Variants in UBE2K observed in about 807,000 individuals in gnomAD.
The protein encoded by UBE2K is ubiquitin conjugating enzyme E2 K.
In UBE2K, 6 loss-of-function variants were observed where a neutral mutation model predicts 30.0. The ratio of observed to expected loss-of-function variants is 0.20; its 90% confidence interval spans 0.11 to 0.39. The LOEUF (loss-of-function observed/expected upper bound fraction) is 0.39. Among genes scored for constraint, UBE2K ranks in the 10% least tolerant of loss-of-function variants. The pLI is 1.00. For synonymous variants in UBE2K, 86 were observed against 83.7 expected (o/e 1.03, Z -0.15); for missense variants, 61 against 241.6 (o/e 0.25, Z 4.96).
At chr4:39,738,892 C>T (rs754022558) in intron 2 of UBE2K, among the ~76,000 whole-genome samples, 14 of 152,232 alleles carry the variant, frequency 9.2e-5, no homozygotes, top group East Asian at 3.9e-4. Flanking sequence ...CCAGGCTGGT[C>T]TTGAACTTCT....
At chr4:39,700,119 G>A (rs915810156) in intron 1 of UBE2K, among the ~76,000 whole-genome samples, 15 of 151,974 alleles carry the variant, frequency 9.9e-5, no homozygotes, top group Non-Finnish European at 1.8e-4. Context: ...TGTTACTTAC[G>A]GTAACAGAAA....
Position 39,705,087 on chromosome 4 carries a change from C to T in UBE2K, c.63+6697C>T, listed in dbSNP as rs755734517. Among the ~76,000 whole-genome samples the T allele has an allele frequency of 1.5e-4, 22 of 150,318 alleles. 1 individual carries two copies. The highest frequency in any genetic ancestry group is 2.9e-4 in the African/African-American group (12 of 40,924). On this transcript the variant is annotated intron_variant, in intron 1 of 6. Coordinates refer to ENST00000261427, the MANE Select transcript of UBE2K (RefSeq NM_005339.5). ...TTTGTTTTTGTATTTTTAGTAGAGA[C>T]GGGTTTTTACCGTATTGGCCAGGCT...
At chr4:39,701,035 G>A (rs1288918191) in intron 1 of UBE2K, among the ~76,000 whole-genome samples, 4 of 152,120 alleles carry the variant, frequency 2.6e-5, no homozygotes, top group Non-Finnish European at 5.9e-5. Context: ...GGTGTCTGGG[G>A]TATAGATATT....
chr4:39,730,776 T>A (rs950257190), intron 1 of UBE2K, among the ~76,000 whole-genome samples: 11 of 143,090 alleles, frequency 7.7e-5, no homozygotes, highest in South Asian at 4.8e-4. Flanking sequence ...TCTCAAAAAA[T>A]AATAATAATA....
chr4:39,711,991 A>C (rs938877557), intron 1 of UBE2K, among the ~76,000 whole-genome samples: 2 of 151,316 alleles, frequency 1.3e-5, no homozygotes, highest in Non-Finnish European at 3.0e-5. Context: ...CATTAAGCCG[A>C]GATTGCGCCA....
At chr4:39,771,288 G>C in intron 4 of UBE2K, 1 of 1,611,998 alleles carries the variant, frequency 6.2e-7, no homozygotes, top group East Asian at 2.2e-5. Context: ...AGGCGGCTAA[G>C]ATGACCTTGT....
intron 2 of UBE2K, among the ~76,000 whole-genome samples, chr4:39,740,211 ATAG>A (rs1720618044): frequency 6.6e-6 from 1 of 151,948 alleles, no homozygotes; most frequent in African/African-American, 2.4e-5. Context: ...TTTTTGGAAG[ATAG>A]TAGGGCAGTG....
At chr4:39,753,236 A>C (rs1234099060) in intron 3 of UBE2K, among the ~76,000 whole-genome samples, 1 of 152,114 alleles carries the variant, frequency 6.6e-6, no homozygotes, top group East Asian at 1.9e-4. Flanking sequence ...TTAGAAATAA[A>C]AGAATTGGCT....
intron 2 of UBE2K, among the ~76,000 whole-genome samples, chr4:39,745,366 T>C (rs1487946121): frequency 6.7e-6 from 1 of 149,928 alleles, no homozygotes; most frequent in Non-Finnish European, 1.5e-5. Context: ...CCTTGCCTTC[T>C]TTTTTTTTTC....
At position 39,702,045 on chromosome 4, in the gene UBE2K, G is replaced by A. The variant is rs185418964; in HGVS notation, c.63+3655G>A. Among the ~76,000 whole-genome samples the A allele has an allele frequency of 2.0e-5, 3 of 152,020 alleles. No homozygotes were observed. In the East Asian group the frequency reaches 5.8e-4, roughly 29 times the overall value. On this transcript the variant is annotated intron_variant, in intron 1 of 6. Transcript: ENST00000261427. ...CAAAGTGCTGGGGTTACAGGCATGA[G>A]CCACCACACCCAGCCAGATTTACTT...
intron 1 of UBE2K, among the ~76,000 whole-genome samples, chr4:39,723,650 G>A (rs576251141): frequency 1.1e-3 from 166 of 152,240 alleles, no homozygotes; most frequent in African/African-American, 3.8e-3. Context: ...TTACAGGCGT[G>A]AGCCACTGCA....
intron 1 of UBE2K, among the ~76,000 whole-genome samples, chr4:39,705,180 G>A (rs1425356964): frequency 6.8e-6 from 1 of 147,294 alleles, no homozygotes; most frequent in African/African-American, 2.5e-5. Flanking sequence ...GCAGGCATGA[G>A]CCACTGCACC....
At chr4:39,771,701 A>G (rs570521783) in intron 4 of UBE2K, among the ~76,000 whole-genome samples, 68 of 152,202 alleles carry the variant, frequency 4.5e-4, no homozygotes, top group African/African-American at 1.6e-3. Context: ...CTAGGACTCA[A>G]ACCCTGGAGT....
chr4:39,722,721 G>A (rs1719493443), intron 1 of UBE2K, among the ~76,000 whole-genome samples: 1 of 151,950 alleles, frequency 6.6e-6, no homozygotes, highest in African/African-American at 2.4e-5. Context: ...ACAGCAGCCC[G>A]TGTGGGATTT....
At position 39,757,018 on chromosome 4, in the gene UBE2K, G is replaced by GTTTTTTTT. The variant is rs1227834116; in HGVS notation, c.299+1285_299+1286insTTTTTTTT. On this transcript the variant is annotated intron_variant, in intron 4 of 6. Transcript: ENST00000261427. ...TTTGGGTGTTTTTTTTTTGTTTTTT[G>GTTTTTTTT]TTTTTTGTTTTTTGTTTTTTTTTTG... 5.1e-4 allele frequency among the ~76,000 whole-genome samples: 37 copies of GTTTTTTTT among 72,088 alleles called. 6 individuals are homozygous for GTTTTTTTT. Among genetic ancestry groups the GTTTTTTTT allele is most frequent in the Admixed American group, 2.7e-3 (15 of 5,502 alleles). 47.3% of individuals were successfully genotyped at this position (72,088 alleles called of 152,430 possible).
chr4:39,773,697 G>A (rs1453866565), intron 4 of UBE2K, among the ~76,000 whole-genome samples: 3 of 152,082 alleles, frequency 2.0e-5, no homozygotes, highest in South Asian at 2.1e-4. Context: ...CGAGGCGGGC[G>A]GATCACGAGG....
At chr4:39,762,909 G>A (rs572123864) in intron 4 of UBE2K, among the ~76,000 whole-genome samples, 15 of 147,288 alleles carry the variant, frequency 1.0e-4, no homozygotes, top group South Asian at 2.2e-4. Flanking sequence ...GATTACAGGC[G>A]TGAGCCACGC....
chr4:39,762,208 T>TAAA (rs1202665191), intron 4 of UBE2K, among the ~76,000 whole-genome samples: 1 of 149,916 alleles, frequency 6.7e-6, no homozygotes, highest in African/African-American at 2.4e-5. Flanking sequence ...ATAATAATAA[T>TAAA]AAATCTTGAA....
chr4:39,711,398 A>G (rs930852609), intron 1 of UBE2K, among the ~76,000 whole-genome samples: 4 of 151,500 alleles, frequency 2.6e-5, no homozygotes, highest in East Asian at 1.9e-4. Context: ...TCCTGACTTC[A>G]TGATCCGCCC....
Sources: gnomAD v4.1 joint callset for allele counts (sites outside exome capture counted in the v4.1 genomes callset) on GRCh38, gnomAD v4.1.1 for gene constraint, MANE v1.5 for transcripts, NCBI Gene and HGNC (gene_info 2026-07-23, HGNC 2026-07-21) for gene names.